SORCS1: variants seen among roughly 807,000 people sequenced by gnomAD.
SORCS1 encodes VPS10 domain-containing receptor SorCS1.
Under a neutral mutation model 146.1 loss-of-function variants are expected in SORCS1, and 60 were observed. The observed-to-expected ratio is 0.41, with a 90% confidence interval of 0.33 to 0.51. The LOEUF is 0.51. Among genes scored for constraint, SORCS1 ranks in the 20% least tolerant of loss-of-function variants. The pLI is 0.21. For synonymous variants in SORCS1, 637 were observed against 584.0 expected (o/e 1.09, Z -1.31); for missense variants, 1,352 against 1,487.6 (o/e 0.91, Z 1.50).
intron 2 of SORCS1, among the ~76,000 whole-genome samples, chr10:106,896,544 AT>A (rs1374063683): frequency 6.6e-6 from 1 of 151,946 alleles, no homozygotes; most frequent in African/African-American, 2.4e-5. Flanking sequence ...CAAGATGAAA[AT>A]TTTTTTAAGA....
At chr10:107,055,677 G>C (rs1449340441) in intron 1 of SORCS1, among the ~76,000 whole-genome samples, 1 of 152,134 alleles carries the variant, frequency 6.6e-6, no homozygotes. Context: ...CAAAGGGAGG[G>C]GAGACCCAAC....
chr10:107,099,797 T>C (rs1964791990), intron 1 of SORCS1, among the ~76,000 whole-genome samples: 1 of 152,250 alleles, frequency 6.6e-6, no homozygotes, highest in African/African-American at 2.4e-5. Flanking sequence ...GTTTAGTGCA[T>C]ACGTATTAAG....
At chr10:106,999,983 GGGTTT>G (rs1957150798) in intron 1 of SORCS1, among the ~76,000 whole-genome samples, 1 of 141,470 alleles carries the variant, frequency 7.1e-6, no homozygotes, top group African/African-American at 3.2e-5. Flanking sequence ...GGAAAGTTTG[GGGTTT>G]CTAGGGGCAA....
At chr10:106,619,870 A>G (rs1847622039) in intron 20 of SORCS1, among the ~76,000 whole-genome samples, 1 of 152,238 alleles carries the variant, frequency 6.6e-6, no homozygotes, top group African/African-American at 2.4e-5. Context: ...TAAAAGTTAA[A>G]GCTGACCTAA....
intron 15 of SORCS1, 57 bp from the exon 16 acceptor site, chr10:106,671,424 C>T (rs1480584399): frequency 1.9e-6 from 3 of 1,604,220 alleles, no homozygotes; most frequent in African/African-American, 2.7e-5. Flanking sequence ...TTTCTCTGCT[C>T]CACATGAGTG....
At chr10:107,109,306 A>C (rs1398462248) in intron 1 of SORCS1, among the ~76,000 whole-genome samples, 1 of 152,204 alleles carries the variant, frequency 6.6e-6, no homozygotes, top group East Asian at 1.9e-4. Flanking sequence ...GCAGGCTTCT[A>C]CCTGGGCACC....
intron 1 of SORCS1, among the ~76,000 whole-genome samples, chr10:107,112,881 A>G (rs1026987138): frequency 6.6e-6 from 1 of 152,224 alleles, no homozygotes; most frequent in African/African-American, 2.4e-5. Context: ...AAATGAAGGG[A>G]GAAATAGACA....
intron 1 of SORCS1, among the ~76,000 whole-genome samples, chr10:106,997,128 A>G (rs1957035914): frequency 6.6e-6 from 1 of 151,990 alleles, no homozygotes; most frequent in Non-Finnish European, 1.5e-5. Flanking sequence ...TACCACATTA[A>G]ATTATTCTCT....
chr10:106,738,640 C>G (rs1202227166), intron 5 of SORCS1, among the ~76,000 whole-genome samples: 1 of 152,224 alleles, frequency 6.6e-6, no homozygotes, highest in Non-Finnish European at 1.5e-5. Flanking sequence ...CTTCTCCTCT[C>G]TTTATCCATT....
intron 1 of SORCS1, among the ~76,000 whole-genome samples, chr10:107,087,192 A>G (rs527769599): frequency 2.0e-5 from 3 of 152,302 alleles, no homozygotes; most frequent in African/African-American, 7.2e-5. Flanking sequence ...TGTCCCCTAT[A>G]AAACAGAAGG....
chr10:106,670,084 A>G (rs1378916189), intron 16 of SORCS1, among the ~76,000 whole-genome samples: 2 of 152,258 alleles, frequency 1.3e-5, no homozygotes. Context: ...ACACATATGT[A>G]CATATTTAGC....
intron 2 of SORCS1, among the ~76,000 whole-genome samples, chr10:106,915,800 C>A (rs980733529): frequency 6.6e-6 from 1 of 152,130 alleles, no homozygotes; most frequent in Non-Finnish European, 1.5e-5. Context: ...TGTTGCACTC[C>A]CAGAGTGTTT....
chr10:107,014,282 AAAAG>A (rs1046545362), intron 1 of SORCS1, among the ~76,000 whole-genome samples: 11 of 147,788 alleles, frequency 7.4e-5, no homozygotes, highest in Non-Finnish European at 1.7e-4. Flanking sequence ...AGAAAAGAAA[AAAAG>A]AGAGAGAGAG....
intron 4 of SORCS1, among the ~76,000 whole-genome samples, chr10:106,772,475 T>TCTCTCTCTCTCTCTCCCCTC (rs1860100595): frequency 6.6e-6 from 1 of 150,786 alleles, no homozygotes; most frequent in African/African-American, 2.5e-5. Flanking sequence ...AATCAATCTC[T>TCTCTCTCTCTCTCTCCCCTC]CTCTCTCTCT....
chr10:106,734,670 C>A (rs758299781), intron 5 of SORCS1, among the ~76,000 whole-genome samples: 48 of 152,250 alleles, frequency 3.2e-4, no homozygotes, highest in Non-Finnish European at 6.5e-4. Context: ...TCTGTGCCGT[C>A]ACTTTTTTAG....
intron 1 of SORCS1, among the ~76,000 whole-genome samples, chr10:107,012,432 G>C (rs1957732201): frequency 6.6e-6 from 1 of 152,190 alleles, no homozygotes; most frequent in Admixed American, 6.5e-5. Context: ...TGATACATAA[G>C]TGTTTGATAA....
At chr10:106,861,268 C>T (rs1212210522) in intron 2 of SORCS1, among the ~76,000 whole-genome samples, 1 of 151,860 alleles carries the variant, frequency 6.6e-6, no homozygotes, top group Non-Finnish European at 1.5e-5. Context: ...GGCATGGTGG[C>T]ATGTGCCTGT....
At chr10:106,976,333 G>GTTTTTTTTTTGTTTTTTTTTT (rs757120275) in intron 1 of SORCS1, among the ~76,000 whole-genome samples, 19 of 113,806 alleles carry the variant, frequency 1.7e-4, no homozygotes, top group South Asian at 2.7e-4. Flanking sequence ...AGGTTTTTTT[G>GTTTTTTTTTTGTTTTTTTTTT]TTTTTTTTTT....
chr10:106,709,573 T>G (rs1051051304), intron 6 of SORCS1, among the ~76,000 whole-genome samples: 1 of 151,236 alleles, frequency 6.6e-6, no homozygotes, highest in Admixed American at 6.6e-5. Context: ...CTCAGCCTCC[T>G]GAGTAGCCGG....
Sources: gnomAD v4.1 joint callset for allele counts (sites outside exome capture counted in the v4.1 genomes callset) on GRCh38, gnomAD v4.1.1 for gene constraint, MANE v1.5 for transcripts, NCBI Gene and HGNC (gene_info 2026-07-23, HGNC 2026-07-21) for gene names.